The following SUCLG2 variants were observed in gnomAD, a reference collection of about 807,000 sequenced individuals.
The protein encoded by SUCLG2 is succinate--CoA ligase [GDP-forming] subunit beta, mitochondrial.
Under a neutral mutation model 47.9 loss-of-function variants are expected in SUCLG2, and 42 were observed. That is an observed-to-expected ratio of 0.88 (90% CI 0.69 to 1.14). The LOEUF (loss-of-function observed/expected upper bound fraction) is 1.14. Ranked by LOEUF, SUCLG2 falls within the 50% of genes most tolerant of loss-of-function variation. SUCLG2 has a pLI of 0.00. For synonymous variants in SUCLG2, 195 were observed against 197.3 expected, an observed-to-expected ratio of 0.99 and a Z score of 0.10; for missense variants, 571 against 525.9, an observed-to-expected ratio of 1.09 and a Z score of -0.84.
intron 2 of SUCLG2, among the ~76,000 whole-genome samples, chr3:67,540,634 A>G (rs1575764717): frequency 6.6e-6 from 1 of 152,138 alleles, no homozygotes; most frequent in South Asian, 2.1e-4. Context: ...AGCAAACTTA[A>G]AAGTTCCTGC....
At chr3:67,422,239 T>C (rs1166957880) in intron 9 of SUCLG2, among the ~76,000 whole-genome samples, 1 of 151,126 alleles carries the variant, frequency 6.6e-6, no homozygotes, top group Non-Finnish European at 1.5e-5. Flanking sequence ...TTAAGGAGGC[T>C]GAGGCAGGCG....
chr3:67,479,791 C>G (rs1316233773), intron 9 of SUCLG2, among the ~76,000 whole-genome samples: 1 of 152,148 alleles, frequency 6.6e-6, no homozygotes, highest in Non-Finnish European at 1.5e-5. Context: ...TAGAAAGTCA[C>G]TTAAAAATTA....
At chr3:67,547,688 G>A (rs756767330) in intron 2 of SUCLG2, among the ~76,000 whole-genome samples, 2 of 152,172 alleles carry the variant, frequency 1.3e-5, no homozygotes, top group South Asian at 2.1e-4. Flanking sequence ...AAAAGAAGAT[G>A]TCCTAGCCTT....
chr3:67,601,734 C>T (rs1179279321), intron 2 of SUCLG2, among the ~76,000 whole-genome samples: 4 of 152,142 alleles, frequency 2.6e-5, no homozygotes, highest in Admixed American at 2.6e-4. Context: ...CAAAGGCCAG[C>T]AATTTGGGAG....
At chr3:67,456,429 G>A (rs1027265417) in intron 9 of SUCLG2, among the ~76,000 whole-genome samples, 9 of 152,236 alleles carry the variant, frequency 5.9e-5, no homozygotes, top group Admixed American at 3.3e-4. Flanking sequence ...ATTCAATCCC[G>A]GTATAAGCCC....
chr3:67,646,739 C>T (rs543653229), intron 1 of SUCLG2, among the ~76,000 whole-genome samples: 4 of 152,202 alleles, frequency 2.6e-5, no homozygotes, highest in Admixed American at 1.3e-4. Context: ...GAGTTAAACC[C>T]GGGCAGTCTG....
At chr3:67,553,976 TCTAA>T (rs2107201228) in intron 2 of SUCLG2, among the ~76,000 whole-genome samples, 1 of 152,350 alleles carries the variant, frequency 6.6e-6, no homozygotes, top group East Asian at 1.9e-4. Flanking sequence ...TTTACTAAAT[TCTAA>T]ACCTTCCTTG....
rs1032649831 is a variant in SUCLG2, at chr3:67,518,302, C to G, written c.605G>C (p.Ser202Thr). The change falls in exon 6 of 11, where the codon AGC becomes ACC. Residue 202 changes from serine to threonine, a missense_variant. Transcript: ENST00000307227. ...ATTTTCGGCCATCCGCTGAGCTTGG[C>G]TGTCCTTTATTCCTTCAAAAATGTC... The part of the protein sequence containing the change: ...QIDIFEGIKD[S>T]QAQRMAENLG... 15 of 1,612,432 alleles carry G rather than the reference C, an allele frequency of 9.3e-6. No individual in the cohort carries two copies. In the African/African-American group the frequency reaches 1.5e-4, roughly 16 times the overall value.
chr3:67,584,799 G>T (rs761974763), intron 2 of SUCLG2, among the ~76,000 whole-genome samples: 7 of 152,142 alleles, frequency 4.6e-5, no homozygotes, highest in Non-Finnish European at 8.8e-5. Context: ...GGCAGGAAGG[G>T]GAAGTGCCGG....
intron 2 of SUCLG2, among the ~76,000 whole-genome samples, chr3:67,554,068 G>A (rs1246441867): frequency 6.6e-6 from 1 of 152,140 alleles, no homozygotes; most frequent in Non-Finnish European, 1.5e-5. Context: ...TAAGGAGCTG[G>A]GGTAGCCCTC....
chr3:67,612,346 G>A (rs893814222), intron 1 of SUCLG2, among the ~76,000 whole-genome samples: 1 of 143,314 alleles, frequency 7.0e-6, no homozygotes, highest in African/African-American at 2.7e-5. Context: ...GTGCCAGAGT[G>A]AGACTCAGTC....
intron 9 of SUCLG2, among the ~76,000 whole-genome samples, chr3:67,471,659 A>C (rs1704607778): frequency 6.6e-6 from 1 of 152,156 alleles, no homozygotes; most frequent in Non-Finnish European, 1.5e-5. Context: ...ATGATGAAGA[A>C]GAAGAAGGCG....
Position 67,652,923 on chromosome 3 carries a change from A to C in SUCLG2, c.84+1580T>G, listed in dbSNP as rs375197892. On this transcript the variant is annotated intron_variant, in intron 1 of 10. Transcript: ENST00000307227. Reference sequence around the variant, plus strand: ...TAAAAAAACCTACTTTTACCTTCTAAGAATTTACAGAAAAACACATCATCC... The same window carrying C: ...TAAAAAAACCTACTTTTACCTTCTACGAATTTACAGAAAAACACATCATCC... Among the ~76,000 whole-genome samples the C allele has an allele frequency of 9.8e-5, 15 of 152,342 alleles. No individual in the cohort carries two copies. In the South Asian group the frequency reaches 2.9e-3, roughly 29 times the overall value.
At chr3:67,638,969 A>G (rs1323555342) in intron 1 of SUCLG2, among the ~76,000 whole-genome samples, 2 of 152,162 alleles carry the variant, frequency 1.3e-5, no homozygotes, top group Non-Finnish European at 2.9e-5. Context: ...AAGTTTAAGA[A>G]AATAAGAAAA....
At chr3:67,471,462 C>T (rs1414564477) in intron 9 of SUCLG2, among the ~76,000 whole-genome samples, 1 of 152,154 alleles carries the variant, frequency 6.6e-6, no homozygotes, top group Non-Finnish European at 1.5e-5. Flanking sequence ...ACTGCAGCCC[C>T]TCTAAATTCA....
intron 1 of SUCLG2, among the ~76,000 whole-genome samples, chr3:67,625,214 T>C (rs1156948393): frequency 1.3e-5 from 2 of 152,154 alleles, no homozygotes; most frequent in African/African-American, 4.8e-5. Flanking sequence ...TGGGAGTTGA[T>C]AATTGAGAAA....
Position 67,368,533 on chromosome 3 carries a change from G to A in SUCLG2, c.1184-7765C>T, listed in dbSNP as rs1369490642. Among the ~76,000 whole-genome samples, 4 of 151,848 alleles carry A rather than the reference G, an allele frequency of 2.6e-5. No individual in the cohort carries two copies. The South Asian group carries it at 6.2e-4, about 24-fold the overall frequency. On this transcript the variant is annotated intron_variant, in intron 10 of 10. Transcript: ENST00000493112. ...CTTTAATTTCTTTATTTCCCCCTCT[G>A]CATTCATGGTGAATCATACAATCCA...
intron 10 of SUCLG2, among the ~76,000 whole-genome samples, chr3:67,380,689 G>GAA (rs142281606): frequency 0.3 from 30,059 of 101,222 alleles, 3,652 homozygotes; most frequent in South Asian, 0.37. Flanking sequence ...AAGGGGGGTA[G>GAA]AGAGAGAGAG....
chr3:67,393,866 A>G (rs1349502766), intron 10 of SUCLG2, among the ~76,000 whole-genome samples: 2 of 152,130 alleles, frequency 1.3e-5, no homozygotes, highest in African/African-American at 2.4e-5. Context: ...CGGTTCATGA[A>G]AACCCACTGT....
Sources: gnomAD v4.1 joint callset for allele counts (sites outside exome capture counted in the v4.1 genomes callset) on GRCh38, gnomAD v4.1.1 for gene constraint, MANE v1.5 for transcripts, NCBI Gene and HGNC (gene_info 2026-07-23, HGNC 2026-07-21) for gene names.